Variants in SPAG16 observed in about 807,000 individuals in gnomAD.
The protein encoded by SPAG16 is sperm associated antigen 16, also known as sperm-associated antigen 16 protein.
Under a neutral mutation model 80.4 loss-of-function variants are expected in SPAG16, and 86 were observed. The ratio of observed to expected loss-of-function variants is 1.07; its 90% CI spans 0.90 to 1.28. The LOEUF (loss-of-function observed/expected upper bound fraction) is 1.28. SPAG16 is among the 50% of genes most tolerant of loss of function. The pLI is 0.00. For synonymous variants in SPAG16, 294 were observed against 265.9 expected (o/e 1.11, Z -1.03); for missense variants, 870 against 765.3 (o/e 1.14, Z -1.61).
chr2:213,292,725 C>T (rs2062343423), intron 1 of SPAG16, among the ~76,000 whole-genome samples: 1 of 148,896 alleles, frequency 6.7e-6, no homozygotes, highest in African/African-American at 2.5e-5. Context: ...AAATCTATAA[C>T]TGGAGGGAAA....
At chr2:214,273,676 C>T (rs1049287868) in intron 15 of SPAG16, among the ~76,000 whole-genome samples, 1 of 152,046 alleles carries the variant, frequency 6.6e-6, no homozygotes, top group Non-Finnish European at 1.5e-5. Context: ...GATACCAGTA[C>T]CATGCTGTTT....
intron 10 of SPAG16, among the ~76,000 whole-genome samples, chr2:213,694,062 G>A (rs994638618): frequency 6.1e-5 from 9 of 148,174 alleles, no homozygotes; most frequent in Admixed American, 2.0e-4. Context: ...AAAGAAAAAA[G>A]AGAGGGAGAG....
At chr2:213,782,180 GTT>G (rs11310181) in intron 10 of SPAG16, among the ~76,000 whole-genome samples, 2 of 146,030 alleles carry the variant, frequency 1.4e-5, no homozygotes, top group Non-Finnish European at 3.0e-5. Flanking sequence ...ATAGTCTTCA[GTT>G]TTTTTTTTTT....
intron 10 of SPAG16, among the ~76,000 whole-genome samples, chr2:213,769,238 A>T (rs2069111538): frequency 1.3e-5 from 2 of 152,176 alleles, no homozygotes; most frequent in Non-Finnish European, 2.9e-5. Flanking sequence ...TATATTACCA[A>T]TTCTATCTTG....
intron 10 of SPAG16, among the ~76,000 whole-genome samples, chr2:213,507,041 A>G (rs2074996080): frequency 6.6e-6 from 1 of 152,222 alleles, no homozygotes. Context: ...CCTGTGTTGC[A>G]TTGACTAATC....
chr2:213,495,421 T>A (rs1335718288), intron 10 of SPAG16, among the ~76,000 whole-genome samples: 1 of 152,252 alleles, frequency 6.6e-6, no homozygotes, highest in African/African-American at 2.4e-5. Flanking sequence ...TGAAATTAGA[T>A]GTTAGGCCAC....
At chr2:213,790,356 TCATTTATCATTCTCTGAA>T (rs1449071137) in intron 10 of SPAG16, among the ~76,000 whole-genome samples, 1 of 151,938 alleles carries the variant, frequency 6.6e-6, no homozygotes, top group Non-Finnish European at 1.5e-5. Flanking sequence ...GTCCAGTGGA[TCATTTATCATTCTCTGAA>T]CATTTTCTTT....
rs575941021 is a variant in SPAG16 at position 213,898,782 on chromosome 2, T to G, written c.1215-31178T>G. ...TGAAATACTCAGTTGGATTCTTGAG[T>G]AGGAATACAGTATAGCTCAAAATAT... On this transcript the variant is annotated intron_variant, in intron 11 of 15. Coordinates refer to ENST00000331683, the MANE Select transcript of SPAG16 (RefSeq NM_024532.5). Among the ~76,000 whole-genome samples, 10 of 152,238 alleles carry G rather than the reference T, an allele frequency of 6.6e-5. No homozygotes were observed. In the South Asian group the frequency reaches 2.1e-3, roughly 32 times the overall value.
chr2:213,299,325 C>A (rs1438727173), intron 3 of SPAG16, among the ~76,000 whole-genome samples: 1 of 146,186 alleles, frequency 6.8e-6, no homozygotes, highest in African/African-American at 2.5e-5. Flanking sequence ...TTTTTTGAGA[C>A]GGAGTCTCAC....
At chr2:214,042,183 T>C (rs1040445495) in intron 13 of SPAG16, among the ~76,000 whole-genome samples, 2 of 151,352 alleles carry the variant, frequency 1.3e-5, no homozygotes, top group African/African-American at 4.9e-5. Context: ...TCTCCTGGGT[T>C]CGTGGGTCCA....
At chr2:214,101,272 G>A (rs1355525111) in intron 13 of SPAG16, among the ~76,000 whole-genome samples, 5 of 151,754 alleles carry the variant, frequency 3.3e-5, no homozygotes, top group Admixed American at 2.0e-4. Flanking sequence ...CTTGTGTTAT[G>A]GTAAAAAACA....
chr2:214,008,906 G>T (rs1307901451), intron 12 of SPAG16, among the ~76,000 whole-genome samples: 1 of 152,172 alleles, frequency 6.6e-6, no homozygotes, highest in East Asian at 1.9e-4. Flanking sequence ...TTCATTGGTA[G>T]TAGAACTCTA....
chr2:214,103,211 G>C (rs72937967), intron 13 of SPAG16, among the ~76,000 whole-genome samples: 2 of 151,986 alleles, frequency 1.3e-5, no homozygotes, highest in African/African-American at 2.4e-5. Context: ...GTTCACAAGC[G>C]TGGACCATCA....
chr2:213,803,419 G>A (rs973207990), intron 10 of SPAG16, among the ~76,000 whole-genome samples: 4 of 152,072 alleles, frequency 2.6e-5, no homozygotes, highest in African/African-American at 9.7e-5. Flanking sequence ...AGGTGAGAAG[G>A]GAGTGAGAGA....
At chr2:214,142,479 A>G (rs1298590964) in intron 14 of SPAG16, among the ~76,000 whole-genome samples, 1 of 152,090 alleles carries the variant, frequency 6.6e-6, no homozygotes, top group African/African-American at 2.4e-5. Context: ...AAAAGGTCTG[A>G]TCATCTCTTT....
chr2:213,700,881 T>C (rs1460845652), intron 10 of SPAG16, among the ~76,000 whole-genome samples: 1 of 152,204 alleles, frequency 6.6e-6, no homozygotes, highest in Non-Finnish European at 1.5e-5. Flanking sequence ...GCGTGGTGGC[T>C]CACACATATA....
intron 15 of SPAG16, among the ~76,000 whole-genome samples, chr2:214,293,769 C>G (rs1298308825): frequency 6.6e-6 from 1 of 152,178 alleles, no homozygotes; most frequent in African/African-American, 2.4e-5. Flanking sequence ...CCTTCCATCT[C>G]CCTCCTGTGG....
At chr2:213,817,327 G>T (rs1180482095) in intron 10 of SPAG16, among the ~76,000 whole-genome samples, 1 of 149,856 alleles carries the variant, frequency 6.7e-6, no homozygotes, top group Non-Finnish European at 1.5e-5. Context: ...ATGCTGGTGA[G>T]ACTAACAGAG....
At chr2:213,745,926 T>C (rs537014793) in intron 10 of SPAG16, among the ~76,000 whole-genome samples, 10 of 152,194 alleles carry the variant, frequency 6.6e-5, no homozygotes, top group Non-Finnish European at 1.3e-4. Flanking sequence ...TTAAGAAAGG[T>C]GGTAGGTTTC....
Sources: allele counts gnomAD v4.1 joint callset (sites outside exome capture counted in the v4.1 genomes callset), GRCh38; gene constraint gnomAD v4.1.1; transcripts MANE v1.5; gene names NCBI Gene and HGNC (gene_info 2026-07-23, HGNC 2026-07-21).